PPP2R2C: variants seen among roughly 807,000 people sequenced by gnomAD.
The protein encoded by PPP2R2C is protein phosphatase 2 regulatory subunit Bgamma.
In PPP2R2C, 10 loss-of-function variants were observed where a neutral mutation model predicts 45.3. That is an observed-to-expected ratio of 0.22 (90% confidence interval 0.14 to 0.37). PPP2R2C has a LOEUF of 0.37. PPP2R2C is among the 10% of genes least tolerant of loss of function. The pLI is 1.00. For synonymous variants in PPP2R2C, 257 were observed against 245.4 expected (o/e 1.05, Z -0.44); for missense variants, 308 against 619.7 (o/e 0.50, Z 5.34).
At chr4:6,547,348 T>A (rs1725017525) in intron 1 of PPP2R2C, among the ~76,000 whole-genome samples, 3 of 151,654 alleles carry the variant, frequency 2.0e-5, no homozygotes, top group South Asian at 4.2e-4. Flanking sequence ...AATCTAACTT[T>A]CCTGAGTGTC....
At chr4:6,340,864 A>C (rs963439332) in intron 6 of PPP2R2C, among the ~76,000 whole-genome samples, 1 of 151,816 alleles carries the variant, frequency 6.6e-6, no homozygotes, top group Non-Finnish European at 1.5e-5. Context: ...CTCTGACCTC[A>C]CCTCCTCTCT....
intron 1 of PPP2R2C, among the ~76,000 whole-genome samples, chr4:6,452,180 A>G (rs897022853): frequency 1.3e-5 from 2 of 152,042 alleles, no homozygotes; most frequent in African/African-American, 4.8e-5. Flanking sequence ...TCTGCTTGTC[A>G]AATGTTGCTG....
intron 1 of PPP2R2C, among the ~76,000 whole-genome samples, chr4:6,459,934 T>C (rs1721242017): frequency 6.6e-6 from 1 of 152,124 alleles, no homozygotes; most frequent in African/African-American, 2.4e-5. Context: ...ATGAAGATAC[T>C]TCAGAAAGAC....
chr4:6,359,691 A>G (rs1358717226), intron 5 of PPP2R2C, among the ~76,000 whole-genome samples: 1 of 150,626 alleles, frequency 6.6e-6, no homozygotes, highest in Admixed American at 6.6e-5. Flanking sequence ...CCTGGAGCCC[A>G]GCCACGCGAG....
intron 6 of PPP2R2C, among the ~76,000 whole-genome samples, chr4:6,334,803 T>C (rs982738403): frequency 2.0e-5 from 3 of 152,210 alleles, no homozygotes; most frequent in African/African-American, 4.8e-5. Flanking sequence ...TGGCCTGCTC[T>C]GGTCTCTACC....
chr4:6,404,503 T>C (rs1717657957), intron 1 of PPP2R2C, among the ~76,000 whole-genome samples: 1 of 152,214 alleles, frequency 6.6e-6, no homozygotes, highest in Admixed American at 6.5e-5. Context: ...GTTGAACATT[T>C]GCAACATCAG....
At chr4:6,366,559 A>C (rs1190769907) in intron 5 of PPP2R2C, among the ~76,000 whole-genome samples, 1 of 152,176 alleles carries the variant, frequency 6.6e-6, no homozygotes, top group Non-Finnish European at 1.5e-5. Flanking sequence ...CAAAACACTC[A>C]GTGTGACCGG....
intron 1 of PPP2R2C, among the ~76,000 whole-genome samples, chr4:6,415,489 G>C (rs934148697): frequency 2.0e-5 from 3 of 152,232 alleles, no homozygotes; most frequent in Non-Finnish European, 2.9e-5. Flanking sequence ...GTCAGGGCAA[G>C]CAGGCTTTCT....
chr4:6,334,578 G>A (rs1314973754), intron 6 of PPP2R2C, among the ~76,000 whole-genome samples: 1 of 152,150 alleles, frequency 6.6e-6, no homozygotes, highest in African/African-American at 2.4e-5. Flanking sequence ...TGGTAGCAGT[G>A]ACCCTGGGGC....
At chr4:6,366,149 C>T (rs1030467976) in intron 5 of PPP2R2C, among the ~76,000 whole-genome samples, 8 of 152,316 alleles carry the variant, frequency 5.3e-5, no homozygotes, top group Middle Eastern at 3.4e-3. Context: ...TCTTGCTGGG[C>T]TCCAATTAGG....
chr4:6,472,254 G>A lies in PPP2R2C; in HGVS notation c.-25C>T. ...TTGAAGGCCGTGCCCGGTGCTCTGG[G>A]CATGCCCCGCCGCCACACACCGATG... On this transcript the variant is annotated 5_prime_UTR_variant, in exon 1 of 9. Transcript: ENST00000382599. 1 of 1,611,494 alleles carries A rather than the reference G, an allele frequency of 6.2e-7. No individual in the cohort carries two copies. The highest frequency in any genetic ancestry group is 8.5e-7 in the Non-Finnish European group (1 of 1,178,728).
At position 6,332,002 on chromosome 4, in the gene PPP2R2C, C is replaced by CA. The variant is rs1030621881; in HGVS notation, c.960+1559dup. ...TCAATAGGTCAGCTGGGCCAGATGC[C>CA]AAGTGCCCAGCTTACGGCCTCACGC... On this transcript the variant is annotated intron_variant, in intron 7 of 8. Transcript: ENST00000382599. This position sits in a 1 kb window ranked among gnomAD's most constrained non-coding sequence, Gnocchi z 4.9. Among the ~76,000 whole-genome samples, 14 of 152,172 alleles carry CA rather than the reference C, an allele frequency of 9.2e-5. No individual in the cohort carries two copies. The highest frequency in any genetic ancestry group is 3.4e-4 in the African/African-American group (14 of 41,422).
At chr4:6,474,285 GGA>G (rs1446938042), upstream of PPP2R2C, among the ~76,000 whole-genome samples, 3 of 151,814 alleles carry the variant, frequency 2.0e-5, no homozygotes, top group Non-Finnish European at 4.4e-5. Context: ...GGCTATGCTG[GGA>G]GAAAGACAGG....
At chr4:6,375,290 A>T (rs1447025837) in intron 4 of PPP2R2C, among the ~76,000 whole-genome samples, 2 of 152,190 alleles carry the variant, frequency 1.3e-5, no homozygotes, top group African/African-American at 4.8e-5. Flanking sequence ...CTTTATATTT[A>T]TGGCGGCTCA....
Position 6,321,818 on chromosome 4 carries a change from GA to G in PPP2R2C, c.*1483del, listed in dbSNP as rs1731567989. ...CACCAGAACAGGAGCATCTACCATGGAAACACCACCTTCTCTGTGGCCCTCA... is the reference window on the plus strand; with the variant it reads ...CACCAGAACAGGAGCATCTACCATGGAACACCACCTTCTCTGTGGCCCTCA... On this transcript the variant is annotated 3_prime_UTR_variant, in exon 9 of 9. Coordinates refer to ENST00000382599, the MANE Select transcript of PPP2R2C (RefSeq NM_020416.4). 6.6e-6 allele frequency: 1 copy of G among 152,210 alleles called. No homozygotes were observed. Among genetic ancestry groups the G allele is most frequent in the Non-Finnish European group, 1.5e-5 (1 of 68,044 alleles). The allele number at this position is 152,210 out of a possible 1,614,324, so 9.4% of individuals were successfully genotyped here.
intron 1 of PPP2R2C, among the ~76,000 whole-genome samples, chr4:6,455,153 G>A (rs75851701): frequency 3.0e-4 from 45 of 152,258 alleles, no homozygotes; most frequent in African/African-American, 1.0e-3. Flanking sequence ...CGTTGCATTC[G>A]TGGACTTACT....
intron 8 of PPP2R2C, among the ~76,000 whole-genome samples, chr4:6,327,742 C>T (rs906151914): frequency 2.6e-5 from 4 of 152,278 alleles, no homozygotes; most frequent in South Asian, 4.1e-4. Context: ...AGCCCCGGGT[C>T]GGGCCTCCAT....
intron 3 of PPP2R2C, among the ~76,000 whole-genome samples, chr4:6,377,642 G>A (rs1715436409): frequency 1.3e-5 from 2 of 152,142 alleles, no homozygotes; most frequent in African/African-American, 4.8e-5. Context: ...CTGGGTGACA[G>A]AGCAAGACTC....
At chr4:6,360,448 G>A (rs990218482) in intron 5 of PPP2R2C, among the ~76,000 whole-genome samples, 16 of 152,166 alleles carry the variant, frequency 1.1e-4, no homozygotes, top group African/African-American at 3.1e-4. Context: ...CGATTTCACC[G>A]AGCACAGTGA....
Sources: gnomAD v4.1 joint callset for allele counts (sites outside exome capture counted in the v4.1 genomes callset) on GRCh38, gnomAD v4.1.1 for gene constraint, Gnocchi (gnomAD v3.1) non-coding constraint, MANE v1.5 for transcripts, NCBI Gene and HGNC (gene_info 2026-07-23, HGNC 2026-07-21) for gene names.